The following CACNA1B variants were observed in gnomAD, a reference collection of about 807,000 sequenced individuals.
CACNA1B encodes voltage-dependent N-type calcium channel subunit alpha-1B.
A neutral mutation model predicts 247.2 loss-of-function variants in CACNA1B; 70 were observed. The ratio of observed to expected loss-of-function variants is 0.28; its 90% confidence interval spans 0.23 to 0.35. The LOEUF (loss-of-function observed/expected upper bound fraction) is 0.35. Among genes scored for constraint, CACNA1B ranks in the 10% least tolerant of loss-of-function variants. CACNA1B has a pLI of 1.00. For missense variants in CACNA1B, 2,367 were observed against 3,197.4 expected (o/e 0.74, Z 6.26); for synonymous variants, 1,231 against 1,294.4 (o/e 0.95, Z 1.05).
chr9:137,900,621 GT>G, intron 3 of CACNA1B, among the ~76,000 whole-genome samples: 2 of 150,340 alleles, frequency 1.3e-5, no homozygotes, highest in African/African-American at 2.4e-5. Flanking sequence ...CTGTGTCTGT[GT>G]ATGTGTGTCT....
intron 6 of CACNA1B, among the ~76,000 whole-genome samples, chr9:137,936,059 G>A (rs563496836): frequency 8.5e-5 from 13 of 152,308 alleles, no homozygotes; most frequent in Middle Eastern, 3.4e-3. Flanking sequence ...GGGTTTCACC[G>A]TGTTAGCCAG....
intron 12 of CACNA1B, among the ~76,000 whole-genome samples, chr9:137,977,062 T>G (rs1290771388): frequency 4.5e-4 from 2 of 4,482 alleles, no homozygotes. Flanking sequence ...CAGAGGGCAG[T>G]GCTGGGCAGT....
rs780121624 is a variant in CACNA1B at position 138,073,641 on chromosome 9, C to T, written c.4791+37C>T. 1 of 1,170,328 alleles carries T rather than the reference C, an allele frequency of 8.5e-7. No individual in the cohort carries two copies. The highest frequency in any genetic ancestry group is 1.2e-5 in the South Asian group (1 of 81,990). The allele number at this position is 1,170,328 out of a possible 1,614,324, so 72.5% of individuals were successfully genotyped here. On this transcript the variant is annotated intron_variant, in intron 33 of 46. Coordinates refer to ENST00000371372, the MANE Select transcript of CACNA1B (RefSeq NM_000718.4). This position sits in a 1 kb window ranked among gnomAD's most constrained non-coding sequence, Gnocchi z 6.4. ...GGGGGGCCTCCATGCTTTCTGTCCC[C>T]TTCCTCCGTCTTGCTTCCCCTGCCC...
At position 138,050,427 on chromosome 9, in the gene CACNA1B, A is replaced by G. The variant is rs1196782675; in HGVS notation, c.3710+1112A>G. Among the ~76,000 whole-genome samples, 1 of 152,194 alleles carries G rather than the reference A, an allele frequency of 6.6e-6. No individual in the cohort carries two copies. The highest frequency in any genetic ancestry group is 2.4e-5 in the African/African-American group (1 of 41,444). Reference sequence around the variant, plus strand: ...TGTGGCCACAGCCCGAGGACCGGGGACATCGCGAGGCGCTCCCGGTGCAGC... The same window carrying G: ...TGTGGCCACAGCCCGAGGACCGGGGGCATCGCGAGGCGCTCCCGGTGCAGC... On this transcript the variant is annotated intron_variant, in intron 24 of 46. Transcript: ENST00000371372. The surrounding 1 kb of genome is among the most constrained non-coding windows in gnomAD (Gnocchi z 5.2).
intron 42 of CACNA1B, among the ~76,000 whole-genome samples, chr9:138,117,393 C>A (rs966026861): frequency 6.6e-6 from 1 of 152,148 alleles, no homozygotes; most frequent in Admixed American, 6.5e-5. Flanking sequence ...CCCTACCCCC[C>A]GTCCCAGCCC....
intron 37 of CACNA1B, among the ~76,000 whole-genome samples, chr9:138,097,504 A>G (rs79219024): frequency 0.018 from 2,742 of 152,228 alleles, 84 homozygotes; most frequent in African/African-American, 0.062. Context: ...CACTCAAGCA[A>G]TGTCTACTGT....
At position 137,984,202 on chromosome 9, in the gene CACNA1B, T is replaced by C; in HGVS notation, c.1721T>C (p.Ile574Thr). 1 of 1,604,734 alleles carries C rather than the reference T, an allele frequency of 6.2e-7. No individual in the cohort carries two copies. Among genetic ancestry groups the C allele is most frequent in the Non-Finnish European group, 8.5e-7 (1 of 1,176,018 alleles). The change falls in exon 13 of 47, where the codon ATC becomes ACC. Residue 574 changes from isoleucine to threonine, a missense_variant. Ile to Thr is a moderately conservative substitution (Grantham distance 89). This residue lies in a region of CACNA1B where 219 missense variants were observed against 297.6 expected (regional missense o/e 0.74). Coordinates refer to ENST00000371372, the MANE Select transcript of CACNA1B (RefSeq NM_000718.4). ...AAIKPGSSFG[I>T]SVLRALRLLR... Reference sequence around the variant, plus strand: ...ATCAAGCCGGGAAGCTCCTTTGGGATCAGTGTGCTGCGGGCCCTCCGCCTG... The same window carrying C: ...ATCAAGCCGGGAAGCTCCTTTGGGACCAGTGTGCTGCGGGCCCTCCGCCTG...
At chr9:137,934,072 C>T (rs182817385) in intron 6 of CACNA1B, among the ~76,000 whole-genome samples, 1 of 152,284 alleles carries the variant, frequency 6.6e-6, no homozygotes, top group East Asian at 1.9e-4. Context: ...TAAAAAATAG[C>T]TACCAATATC....
Position 138,117,952 on chromosome 9 carries a change from C to A in CACNA1B, c.5784C>A (p.Asn1928Lys). ...TSLSNGGAIQ[N>K]QESGIKESVS... is the part of the protein sequence containing the mutation. ...TTTGTCTTCTCTGCCACAGACAAAACCAAGAGAGTGGCATCAAAGAGTCTG... is the reference window on the plus strand; with the variant it reads ...TTTGTCTTCTCTGCCACAGACAAAAACAAGAGAGTGGCATCAAAGAGTCTG... Residue 1928 changes from asparagine to lysine, a missense_variant, in exon 43 of 47, where the codon AAC becomes AAA. By Grantham distance (94) the Asn-to-Lys change is moderately conservative (BLOSUM62 0). Coordinates refer to ENST00000371372, the MANE Select transcript of CACNA1B (RefSeq NM_000718.4). 1 of 1,580,824 alleles carries A rather than the reference C, an allele frequency of 6.3e-7. No individual in the cohort carries two copies. The highest frequency in any genetic ancestry group is 1.7e-5 in the Admixed American group (1 of 57,708).
At position 138,058,589 on chromosome 9, in the gene CACNA1B, C is replaced by T. The variant is rs1387236437; in HGVS notation, c.4329C>T (p.Ala1443=). The stretch of plus-strand genomic sequence containing the variant: ...TACAGAGGGCTTGCATTGACTTCGC[C>T]ATCAGCGCCAAACCCCTGACACGGT... The part of the protein sequence containing the change: ...EKNERACIDF[A]ISAKPLTRYM... Residue 1443 remains alanine (A), a synonymous_variant, in exon 29 of 47, where the codon GCC becomes GCT. Coordinates refer to ENST00000371372, the MANE Select transcript of CACNA1B (RefSeq NM_000718.4). This position sits in a 1 kb window ranked among gnomAD's most constrained non-coding sequence, Gnocchi z 4.7. 9 of 1,611,484 alleles carry T rather than the reference C, an allele frequency of 5.6e-6. No homozygotes were observed. The highest frequency in any genetic ancestry group is 7.6e-6 in the Non-Finnish European group (9 of 1,179,316).
At chr9:138,008,172 C>A (rs1232346532) in intron 16 of CACNA1B, among the ~76,000 whole-genome samples, 1 of 152,192 alleles carries the variant, frequency 6.6e-6, no homozygotes, top group Non-Finnish European at 1.5e-5. Context: ...GCACCGGAGG[C>A]ACCAAAGAAA....
intron 34 of CACNA1B, among the ~76,000 whole-genome samples, chr9:138,074,598 A>G (rs1960250352): frequency 6.6e-6 from 1 of 152,238 alleles, no homozygotes; most frequent in Admixed American, 6.5e-5. Flanking sequence ...GAGGCACCAC[A>G]AGATTGGGCT....
chr9:138,025,673 A>G (rs995468735), intron 20 of CACNA1B, among the ~76,000 whole-genome samples: 2 of 152,100 alleles, frequency 1.3e-5, no homozygotes, highest in Non-Finnish European at 2.9e-5. Context: ...CCTTTATTTG[A>G]GCTGCCTTCT....
intron 15 of CACNA1B, among the ~76,000 whole-genome samples, chr9:137,995,212 C>CAAA (rs34306133): frequency 8.6e-6 from 1 of 115,740 alleles, no homozygotes; most frequent in Admixed American, 8.6e-5. Context: ...GACTCCGTCT[C>CAAA]AAAAAAAAAA....
In CACNA1B at chr9:138,054,427, C is replaced by T. The variant is rs116564241; in HGVS notation, c.3968+421C>T. On this transcript the variant is annotated intron_variant, in intron 26 of 46. Transcript: ENST00000371372. The surrounding 1 kb of genome is among the most constrained non-coding windows in gnomAD (Gnocchi z 4.6). ...AGGCCTCAGAGCTTCCTGTGCCCAGCGCTGCCTCCAAAGTAGACAGGAGAG... is the reference window on the plus strand; with the variant it reads ...AGGCCTCAGAGCTTCCTGTGCCCAGTGCTGCCTCCAAAGTAGACAGGAGAG... Among the ~76,000 whole-genome samples the T allele has an allele frequency of 9.0e-3, 1,365 of 152,320 alleles. 15 individuals carry two copies. The highest frequency in any genetic ancestry group is 0.028 in the African/African-American group (1,182 of 41,578).
intron 6 of CACNA1B, among the ~76,000 whole-genome samples, chr9:137,942,899 T>A (rs12347880): frequency 0.32 from 48,152 of 151,944 alleles, 9,765 homozygotes; most frequent in East Asian, 0.66. Flanking sequence ...GAAAATCTCA[T>A]AAATCACCAC....
In CACNA1B at chr9:138,120,653, G is replaced by A. The variant is rs200950787; in HGVS notation, c.6261G>A (p.Pro2087=). The A allele has an allele frequency of 2.8e-4, 414 of 1,505,352 alleles. 3 individuals are homozygous for A. The African/African-American group carries it at 4.2e-3, about 15-fold the overall frequency. The allele number at this position is 1,505,352 out of a possible 1,614,324, so 93.2% of individuals were successfully genotyped here. A position where few individuals can be genotyped will look rare whatever the true frequency, so the allele number is the denominator to read the frequency against. Residue 2087 remains proline, a synonymous_variant, in exon 46 of 47, where the codon CCG becomes CCA. Coordinates refer to ENST00000371372, the MANE Select transcript of CACNA1B (RefSeq NM_000718.4). ...MDGAPSSAVG[P]GLPPGEGPTG... ...CAGCACCAAGCAGTGCTGTGGGGCC[G>A]GGGCTGCCCCCGGGAGAGGGGCCTA... is the stretch of plus-strand genomic sequence containing the variant.
In CACNA1B at chr9:138,051,961, T is replaced by TC. The variant is rs1214329344; in HGVS notation, c.3711-129dup. 2 of 596,888 alleles carry TC rather than the reference T, an allele frequency of 3.4e-6. No homozygotes were observed. The highest frequency in any genetic ancestry group is 3.7e-5 in the African/African-American group (2 of 53,790). The allele number at this position is 596,888 out of a possible 1,614,324, so 37.0% of individuals were successfully genotyped here. A position where few individuals can be genotyped will look rare whatever the true frequency, so the allele number is the denominator to read the frequency against. On this transcript the variant is annotated intron_variant, in intron 24 of 46. Transcript: ENST00000371372. This position sits in a 1 kb window ranked among gnomAD's most constrained non-coding sequence, Gnocchi z 4.3. ...CACCTGCAGGGCAAGGCCTCTCTGC[T>TC]CCTGGGTCCTCCACCCTGGAGTCTG...
chr9:137,893,231 CTTT>C (rs5901127), intron 3 of CACNA1B, among the ~76,000 whole-genome samples: 6 of 136,786 alleles, frequency 4.4e-5, no homozygotes, highest in East Asian at 2.1e-4. Context: ...AAAGCTGGCC[CTTT>C]TTTTTTTTTT....
Sources: allele counts gnomAD v4.1 joint callset (sites outside exome capture counted in the v4.1 genomes callset), GRCh38; gene constraint gnomAD v4.1.1; regional missense constraint gnomAD v4.1.1; non-coding constraint Gnocchi (gnomAD v3.1); transcripts MANE v1.5; gene names NCBI Gene and HGNC (gene_info 2026-07-23, HGNC 2026-07-21).